The following SORCS2 variants were observed in gnomAD, a reference collection of about 807,000 sequenced individuals.
The protein encoded by SORCS2 is sortilin related VPS10 domain containing receptor 2, also known as VPS10 domain-containing receptor SorCS2.
A neutral mutation model predicts 141.6 loss-of-function variants in SORCS2; 100 were observed. That is an observed-to-expected ratio of 0.71 (90% CI 0.60 to 0.83). The LOEUF (loss-of-function observed/expected upper bound fraction) is 0.83. Ranked by LOEUF, SORCS2 falls within the 40% of genes least tolerant of loss-of-function variation. The pLI is 0.00. For synonymous variants in SORCS2, 789 were observed against 676.9 expected (o/e 1.17, Z -2.57); for missense variants, 1,646 against 1,560.2 (o/e 1.05, Z -0.93).
At chr4:7,710,925 C>T (rs778247961) in intron 14 of SORCS2, among the ~76,000 whole-genome samples, 4 of 152,206 alleles carry the variant, frequency 2.6e-5, no homozygotes, top group Non-Finnish European at 4.4e-5. Flanking sequence ...CTGAACCCCA[C>T]GCACAGAGAA....
intron 2 of SORCS2, among the ~76,000 whole-genome samples, chr4:7,401,203 A>G (rs1426844223): frequency 2.6e-5 from 4 of 151,810 alleles, no homozygotes; most frequent in African/African-American, 9.7e-5. Flanking sequence ...AGATGGATAT[A>G]TGGATGGATG....
chr4:7,213,878 C>G (rs1317118556), intron 1 of SORCS2, among the ~76,000 whole-genome samples: 1 of 152,232 alleles, frequency 6.6e-6, no homozygotes, highest in African/African-American at 2.4e-5. Context: ...CCACATGTCT[C>G]CAGGAGCTGG....
At chr4:7,216,307 A>G (rs1438646347) in intron 1 of SORCS2, among the ~76,000 whole-genome samples, 1 of 152,216 alleles carries the variant, frequency 6.6e-6, no homozygotes, top group East Asian at 1.9e-4. Flanking sequence ...TCCACCGCCC[A>G]GCCCAGCACT....
At chr4:7,715,414 C>T (rs1726127241) in intron 17 of SORCS2, 103 bp downstream of exon 17, 2 of 1,519,176 alleles carry the variant, frequency 1.3e-6, no homozygotes, top group Admixed American at 3.9e-5. Flanking sequence ...CTCCCAACTC[C>T]CAAGTGGAGT....
intron 22 of SORCS2, 114 bp from the exon 23 acceptor site, chr4:7,729,473 C>A: frequency 7.3e-7 from 1 of 1,377,798 alleles, no homozygotes; most frequent in Non-Finnish European, 9.7e-7. Context: ...TCAGGAACGG[C>A]CTGTGAGACA....
At chr4:7,260,381 A>T (rs148373223) in intron 1 of SORCS2, among the ~76,000 whole-genome samples, 7 of 147,838 alleles carry the variant, frequency 4.7e-5, no homozygotes, top group Non-Finnish European at 1.0e-4. Flanking sequence ...GCCTCCTCCC[A>T]CCTCCCCCCT....
intron 3 of SORCS2, among the ~76,000 whole-genome samples, chr4:7,594,669 C>T (rs1717141863): frequency 6.6e-6 from 1 of 152,162 alleles, no homozygotes; most frequent in African/African-American, 2.4e-5. Context: ...AGAGGGGCTT[C>T]CTCTTCAACT....
chr4:7,448,502 T>C (rs958800519), intron 2 of SORCS2, among the ~76,000 whole-genome samples: 1 of 140,452 alleles, frequency 7.1e-6, no homozygotes, highest in African/African-American at 2.7e-5. Context: ...TTCCTTTCCT[T>C]TCCATCTCCC....
At chr4:7,277,836 G>A (rs1352179207) in intron 1 of SORCS2, among the ~76,000 whole-genome samples, 1 of 152,138 alleles carries the variant, frequency 6.6e-6, no homozygotes, top group Non-Finnish European at 1.5e-5. Context: ...CTGTGCACTG[G>A]GGCTTTGGAC....
chr4:7,425,754 G>A (rs1027287606), intron 2 of SORCS2, among the ~76,000 whole-genome samples: 4 of 152,204 alleles, frequency 2.6e-5, no homozygotes, highest in South Asian at 2.1e-4. Context: ...TAGGAATTGC[G>A]AGTTCTCACA....
chr4:7,496,181 C>T (rs1731603982), intron 2 of SORCS2, among the ~76,000 whole-genome samples: 1 of 152,106 alleles, frequency 6.6e-6, no homozygotes, highest in Non-Finnish European at 1.5e-5. Flanking sequence ...AGGGAGGAGA[C>T]CAAAGCAACC....
intron 1 of SORCS2, among the ~76,000 whole-genome samples, chr4:7,362,715 A>G (rs1243808673): frequency 1.3e-5 from 2 of 151,430 alleles, no homozygotes; most frequent in South Asian, 2.1e-4. Context: ...TACCACCATC[A>G]TTACCACCAG....
At chr4:7,238,756 G>A (rs1042673853) in intron 1 of SORCS2, among the ~76,000 whole-genome samples, 4 of 152,140 alleles carry the variant, frequency 2.6e-5, no homozygotes, top group Non-Finnish European at 4.4e-5. Context: ...TTCTGTTTTC[G>A]CCTCTGCTCC....
chr4:7,318,767 G>A (rs1277410402), intron 1 of SORCS2, among the ~76,000 whole-genome samples: 2 of 152,016 alleles, frequency 1.3e-5, no homozygotes, highest in East Asian at 1.9e-4. Flanking sequence ...AAAATGTGCC[G>A]TTTTAGGTGT....
intron 3 of SORCS2, among the ~76,000 whole-genome samples, chr4:7,592,592 A>G (rs955617591): frequency 6.6e-6 from 1 of 152,202 alleles, no homozygotes; most frequent in African/African-American, 2.4e-5. Flanking sequence ...CCACATGCAA[A>G]TCTGCGGTCT....
At chr4:7,591,170 C>T (rs999443529) in intron 3 of SORCS2, among the ~76,000 whole-genome samples, 4 of 152,164 alleles carry the variant, frequency 2.6e-5, no homozygotes, top group African/African-American at 7.2e-5. Flanking sequence ...GTCCTTCTTC[C>T]ACTTCCTCTT....
intron 2 of SORCS2, chr4:7,433,828 A>G: frequency 2.5e-6 from 4 of 1,613,814 alleles, no homozygotes; most frequent in Middle Eastern, 1.6e-4. Flanking sequence ...GATTTTGGCC[A>G]CAAGCTGCAC....
At chr4:7,592,119 C>T (rs1390131017) in intron 3 of SORCS2, among the ~76,000 whole-genome samples, 2 of 152,166 alleles carry the variant, frequency 1.3e-5, no homozygotes, top group East Asian at 1.9e-4. Flanking sequence ...AGATACGCTT[C>T]GAGTTTGGCT....
chr4:7,621,298 A>G (rs374627720), intron 3 of SORCS2, among the ~76,000 whole-genome samples: 4 of 152,140 alleles, frequency 2.6e-5, no homozygotes, highest in East Asian at 3.9e-4. Context: ...CCCTGCATCT[A>G]CAAATGTGTG....
Sources: gnomAD v4.1 joint callset for allele counts (sites outside exome capture counted in the v4.1 genomes callset) on GRCh38, gnomAD v4.1.1 for gene constraint, MANE v1.5 for transcripts, NCBI Gene and HGNC (gene_info 2026-07-23, HGNC 2026-07-21) for gene names.